PTK2: variants seen among roughly 807,000 people sequenced by gnomAD.
The protein encoded by PTK2 is focal adhesion kinase 1.
In PTK2, 45 loss-of-function variants were observed where a neutral mutation model predicts 150.1. The observed-to-expected ratio is 0.30, with a 90% confidence interval of 0.24 to 0.38. PTK2 has a LOEUF of 0.38. Among genes scored for constraint, PTK2 ranks in the 10% least tolerant of loss-of-function variants. The pLI, the probability that PTK2 is intolerant of heterozygous loss-of-function variation, is 1.00. For synonymous variants in PTK2, 432 were observed against 449.2 expected (o/e 0.96, Z 0.48); for missense variants, 919 against 1,307.3 (o/e 0.70, Z 4.58).
chr8:140,873,828 T>C (rs918520377), intron 4 of PTK2, among the ~76,000 whole-genome samples: 1 of 152,232 alleles, frequency 6.6e-6, no homozygotes, highest in African/African-American at 2.4e-5. Context: ...GTGTTACAAA[T>C]ATCTTCTCCC....
chr8:140,911,118 T>C (rs2100162978), intron 2 of PTK2, among the ~76,000 whole-genome samples: 1 of 151,896 alleles, frequency 6.6e-6, no homozygotes, highest in Non-Finnish European at 1.5e-5. Flanking sequence ...CTCAAACTCC[T>C]GAGCTCAAGC....
At chr8:140,802,431 C>T (rs1389452753) in intron 11 of PTK2, among the ~76,000 whole-genome samples, 3 of 151,482 alleles carry the variant, frequency 2.0e-5, no homozygotes, top group Non-Finnish European at 2.9e-5. Context: ...ATTGTTATTA[C>T]AAGAGTCAAA....
At chr8:140,848,493 T>G (rs2100127059) in intron 5 of PTK2, among the ~76,000 whole-genome samples, 1 of 152,044 alleles carries the variant, frequency 6.6e-6, no homozygotes, top group African/African-American at 2.4e-5. Flanking sequence ...AACTGGAGGG[T>G]GGGTACATAA....
intron 1 of PTK2, among the ~76,000 whole-genome samples, chr8:140,998,241 A>G (rs1454354381): frequency 2.6e-5 from 4 of 152,226 alleles, no homozygotes; most frequent in Non-Finnish European, 5.9e-5. Context: ...TAAACTGAAA[A>G]TGTTAAATTT....
chr8:140,815,326 C>A (rs987647059), intron 10 of PTK2, among the ~76,000 whole-genome samples: 1 of 152,002 alleles, frequency 6.6e-6, no homozygotes, highest in Non-Finnish European at 1.5e-5. Context: ...CTAAATACTG[C>A]ATCTTTTAGC....
rs1595959360 is a variant in PTK2, at chr8:140,796,439, C to T, written c.1094-3055G>A. On this transcript the variant is annotated intron_variant, in intron 12 of 31. Transcript: ENST00000522684. ...TCCCACCACCAGCACCACCACCTTACTCACACCCAAATTGTTAATAATATA... is the reference window on the plus strand; with the variant it reads ...TCCCACCACCAGCACCACCACCTTATTCACACCCAAATTGTTAATAATATA... Among the ~76,000 whole-genome samples, 6 of 152,304 alleles carry T rather than the reference C, an allele frequency of 3.9e-5. No homozygotes were observed. The South Asian group carries it at 1.2e-3, about 32-fold the overall frequency.
intron 22 of PTK2, chr8:140,721,624 G>A (rs1263654026): frequency 2.0e-5 from 3 of 152,094 alleles, no homozygotes; most frequent in Non-Finnish European, 4.4e-5. Context: ...TAAAAGTGAA[G>A]TGATTAATCT....
At chr8:140,770,799 C>G in intron 14 of PTK2, 2 of 1,310,554 alleles carry the variant, frequency 1.5e-6, no homozygotes, top group Non-Finnish European at 2.0e-6. Context: ...GTGACTGACT[C>G]CTTTATAAAG....
At position 140,659,478 on chromosome 8, in the gene PTK2, C is replaced by T. The variant is rs55939421; in HGVS notation, c.3147G>A (p.Thr1049=). 160 of 1,612,254 alleles carry T rather than the reference C, an allele frequency of 9.9e-5. No individual in the cohort carries two copies. In the African/African-American group the frequency reaches 1.3e-3, roughly 13 times the overall value. Reference sequence around the variant, plus strand: ...TCCTAGGGGAGGCTCAGTGTGGTCTCGTCTGCCCAAGCATTTTCAGTCTTG... The same window carrying T: ...TCCTAGGGGAGGCTCAGTGTGGTCTTGTCTGCCCAAGCATTTTCAGTCTTG... Residue 1049 remains threonine (T), a synonymous_variant, in exon 32 of 32, where the codon ACG becomes ACA. Coordinates refer to ENST00000522684, the Ensembl canonical transcript of PTK2.
intron 16 of PTK2, among the ~76,000 whole-genome samples, chr8:140,759,833 A>G (rs1321044030): frequency 6.6e-6 from 1 of 151,242 alleles, no homozygotes; most frequent in Non-Finnish European, 1.5e-5. Context: ...ACAGAGCAAG[A>G]CTCTCTCTCT....
chr8:140,702,447 GGGCTCAAGCAATCCTC>G, intron 25 of PTK2, 107 bp downstream of exon 28: 1 of 1,258,654 alleles, frequency 7.9e-7, no homozygotes, highest in Non-Finnish European at 1.1e-6. Flanking sequence ...TCAAACTCTG[GGGCTCAAGCAATCCTC>G]CTACTTCAGC....
chr8:140,747,052 G>A (rs772524961), intron 17 of PTK2, 192 bp from the exon 21 acceptor site: 24 of 478,292 alleles, frequency 5.0e-5, no homozygotes, highest in African/African-American at 8.1e-5. Context: ...CACCACGCCC[G>A]GCTAATTTTT....
intron 4 of PTK2, 167 bp downstream of exon 4, chr8:140,879,304 G>C: frequency 1.5e-6 from 1 of 657,556 alleles, no homozygotes; most frequent in South Asian, 2.7e-5. Flanking sequence ...TAGACTAGAG[G>C]TCTAGAAGAG....
chr8:140,695,068 A>C (rs74341696), intron 26 of PTK2, among the ~76,000 whole-genome samples: 5,833 of 152,324 alleles, frequency 0.038, 159 homozygotes, highest in Middle Eastern at 0.061. Flanking sequence ...CCTCCTCTGC[A>C]TTCCCATTTG....
At chr8:140,682,776 C>T (rs534085572) in intron 27 of PTK2, among the ~76,000 whole-genome samples, 1 of 152,170 alleles carries the variant, frequency 6.6e-6, no homozygotes, top group East Asian at 1.9e-4. Context: ...CTGGGTAAGG[C>T]AGAAATCAAG....
Position 140,750,680 on chromosome 8 carries a change from G to T in PTK2, c.1417+1552C>A, listed in dbSNP as rs528391802. ...AGAGCTTGATGTGGACAAGATCCTT[G>T]CTCTTTAAGAGCTTACATTTGGGAA... is the stretch of plus-strand genomic sequence containing the variant. On this transcript the variant is annotated intron_variant, in intron 17 of 31. Transcript: ENST00000522684. 2.6e-5 allele frequency among the ~76,000 whole-genome samples: 4 copies of T among 152,352 alleles called. No homozygotes were observed. The East Asian group carries it at 7.7e-4, about 29-fold the overall frequency.
intron 5 of PTK2, among the ~76,000 whole-genome samples, chr8:140,851,940 T>C (rs1474034559): frequency 6.6e-6 from 1 of 151,888 alleles, no homozygotes; most frequent in Non-Finnish European, 1.5e-5. Context: ...AGTGTGTGTG[T>C]GCCCGTGTGT....
chr8:140,726,129 T>A (rs891471109), intron 22 of PTK2, among the ~76,000 whole-genome samples: 1 of 152,006 alleles, frequency 6.6e-6, no homozygotes, highest in Non-Finnish European at 1.5e-5. Flanking sequence ...AGGATGGGGA[T>A]GACAGAAAAG....
chr8:140,902,947 T>TG, intron 2 of PTK2, among the ~76,000 whole-genome samples: 1 of 143,204 alleles, frequency 7.0e-6, no homozygotes, highest in East Asian at 2.0e-4. Context: ...TTTTTTTTTT[T>TG]TTTTTTTTTT....
Sources: gnomAD v4.1 joint callset for allele counts (sites outside exome capture counted in the v4.1 genomes callset) on GRCh38, gnomAD v4.1.1 for gene constraint, MANE v1.5 for transcripts, NCBI Gene and HGNC (gene_info 2026-07-23, HGNC 2026-07-21) for gene names.